Variants in NEGR1 observed in about 807,000 individuals in gnomAD.
The protein encoded by NEGR1 is IgLON family member 4.
A neutral mutation model predicts 40.9 loss-of-function variants in NEGR1; 10 were observed. The ratio of observed to expected loss-of-function variants is 0.24; its 90% confidence interval spans 0.15 to 0.42. The LOEUF (loss-of-function observed/expected upper bound fraction) is 0.42. Among genes scored for constraint, NEGR1 ranks in the 10% least tolerant of loss-of-function variants. The pLI is 1.00. For missense variants in NEGR1, 352 were observed against 438.9 expected (o/e 0.80, Z 1.77); for synonymous variants, 185 against 166.8 (o/e 1.11, Z -0.84).
At chr1:72,269,110 AACT>A (rs1311654186) in intron 1 of NEGR1, among the ~76,000 whole-genome samples, 1 of 151,652 alleles carries the variant, frequency 6.6e-6, no homozygotes, top group African/African-American at 2.4e-5. Context: ...AAACTATATA[AACT>A]ACTTCTACCA....
At chr1:71,740,757 A>T (rs574143431) in intron 3 of NEGR1, among the ~76,000 whole-genome samples, 1 of 152,350 alleles carries the variant, frequency 6.6e-6, no homozygotes, top group South Asian at 2.1e-4. Flanking sequence ...GAATATTGCA[A>T]GTGTATCTGC....
intron 6 of NEGR1, among the ~76,000 whole-genome samples, chr1:71,453,911 G>T (rs868776003): frequency 6.6e-6 from 1 of 152,128 alleles, no homozygotes; most frequent in African/African-American, 2.4e-5. Flanking sequence ...CTATACAAAA[G>T]AAATAACCTC....
intron 1 of NEGR1, among the ~76,000 whole-genome samples, chr1:72,176,369 G>A (rs1652164614): frequency 6.6e-6 from 1 of 151,942 alleles, no homozygotes; most frequent in African/African-American, 2.4e-5. Flanking sequence ...GTTTTACCAG[G>A]AGCCAGAGAT....
chr1:71,859,722 A>G (rs1210387516), intron 2 of NEGR1, among the ~76,000 whole-genome samples: 2 of 152,026 alleles, frequency 1.3e-5, no homozygotes, highest in Admixed American at 6.6e-5. Flanking sequence ...TTCTTGCCAC[A>G]TTTGGGGATG....
At chr1:72,243,272 C>T (rs1654805887) in intron 1 of NEGR1, among the ~76,000 whole-genome samples, 1 of 151,774 alleles carries the variant, frequency 6.6e-6, no homozygotes, top group Non-Finnish European at 1.5e-5. Context: ...AAAAGGGCTA[C>T]TTCAGTTCCT....
intron 2 of NEGR1, among the ~76,000 whole-genome samples, chr1:71,812,599 G>A (rs948195605): frequency 2.0e-5 from 3 of 152,068 alleles, no homozygotes; most frequent in African/African-American, 7.2e-5. Context: ...TCTGACTGGT[G>A]TGAGATGGTA....
At chr1:71,957,406 G>A (rs965281889) in intron 1 of NEGR1, among the ~76,000 whole-genome samples, 1 of 152,112 alleles carries the variant, frequency 6.6e-6, no homozygotes, top group Non-Finnish European at 1.5e-5. Context: ...ATTTGAGGCA[G>A]AGAGCTAGTC....
At chr1:71,535,627 T>C (rs1404157113) in intron 6 of NEGR1, among the ~76,000 whole-genome samples, 1 of 151,458 alleles carries the variant, frequency 6.6e-6, no homozygotes, top group Non-Finnish European at 1.5e-5. Flanking sequence ...AATAGAGAAG[T>C]TGGTTGAGTT....
At chr1:72,241,095 T>C (rs1654717091) in intron 1 of NEGR1, among the ~76,000 whole-genome samples, 1 of 151,868 alleles carries the variant, frequency 6.6e-6, no homozygotes, top group African/African-American at 2.4e-5. Flanking sequence ...ATGGAGCTTA[T>C]GTTGACAAGT....
intron 6 of NEGR1, among the ~76,000 whole-genome samples, chr1:71,505,124 G>C (rs890867444): frequency 1.3e-5 from 2 of 152,100 alleles, no homozygotes; most frequent in Admixed American, 6.6e-5. Flanking sequence ...CATTGAAGAA[G>C]GACTATTAGA....
intron 1 of NEGR1, among the ~76,000 whole-genome samples, chr1:72,216,402 CATATATAT>C (rs56767155): frequency 8.4e-6 from 1 of 119,542 alleles, no homozygotes; most frequent in African/African-American, 3.2e-5. Context: ...TATATATATA[CATATATAT>C]ATATATGTAT....
intron 2 of NEGR1, among the ~76,000 whole-genome samples, chr1:71,899,662 A>G (rs1246257763): frequency 6.6e-6 from 1 of 152,220 alleles, no homozygotes; most frequent in Non-Finnish European, 1.5e-5. Flanking sequence ...TTTAATTTGT[A>G]CAAACATTTT....
intron 1 of NEGR1, among the ~76,000 whole-genome samples, chr1:72,057,478 T>C (rs2100487608): frequency 6.6e-6 from 1 of 151,614 alleles, no homozygotes; most frequent in East Asian, 2.0e-4. Flanking sequence ...AATTAATTTA[T>C]AGTTTGCCAG....
intron 1 of NEGR1, among the ~76,000 whole-genome samples, chr1:71,962,227 C>A (rs1013703296): frequency 6.6e-6 from 1 of 151,934 alleles, no homozygotes; most frequent in South Asian, 2.1e-4. Flanking sequence ...CCAAAACAAT[C>A]GCAGGCATCA....
intron 1 of NEGR1, among the ~76,000 whole-genome samples, chr1:72,126,302 T>G (rs1038334559): frequency 6.6e-6 from 1 of 152,054 alleles, no homozygotes; most frequent in Non-Finnish European, 1.5e-5. Context: ...AAAACAAAAT[T>G]TACAAAAATA....
At chr1:72,116,659 T>C (rs1026265465) in intron 1 of NEGR1, among the ~76,000 whole-genome samples, 3 of 151,748 alleles carry the variant, frequency 2.0e-5, no homozygotes, top group Non-Finnish European at 4.4e-5. Context: ...ATTTGCTTTA[T>C]GTGTAATATT....
At chr1:71,905,946 G>A (rs149404359) in intron 2 of NEGR1, among the ~76,000 whole-genome samples, 255 of 151,450 alleles carry the variant, frequency 1.7e-3, no homozygotes, top group South Asian at 3.1e-3. Context: ...GATGTAAACA[G>A]TAAAATACAA....
intron 2 of NEGR1, among the ~76,000 whole-genome samples, chr1:71,778,046 A>G (rs1355696905): frequency 6.6e-6 from 1 of 152,094 alleles, no homozygotes; most frequent in Non-Finnish European, 1.5e-5. Context: ...AAAACTTTGC[A>G]TTACACTGGT....
chr1:71,767,926 CT>C (rs1183332151), intron 3 of NEGR1, among the ~76,000 whole-genome samples: 1 of 152,222 alleles, frequency 6.6e-6, no homozygotes, highest in African/African-American at 2.4e-5. Context: ...AAGCCATAAC[CT>C]TTGGCAGCTT....
Sources: gnomAD v4.1 joint callset for allele counts (sites outside exome capture counted in the v4.1 genomes callset) on GRCh38, gnomAD v4.1.1 for gene constraint, MANE v1.5 for transcripts, NCBI Gene and HGNC (gene_info 2026-07-23, HGNC 2026-07-21) for gene names.